Variants in CDH2 observed in about 807,000 individuals in gnomAD.
The protein encoded by CDH2 is cadherin 2.
CDH2 carries 17 observed loss-of-function variants against 92.0 expected under a neutral mutation model. That is an observed-to-expected ratio of 0.18 (90% confidence interval 0.13 to 0.28). CDH2 has a LOEUF of 0.28. CDH2 is among the 10% of genes least tolerant of loss of function. The pLI is 1.00. For missense variants in CDH2, 862 were observed against 1,133.1 expected (o/e 0.76, Z 3.44); for synonymous variants, 419 against 415.9 (o/e 1.01, Z -0.09).
intron 2 of CDH2, among the ~76,000 whole-genome samples, chr18:28,019,297 T>A (rs2013341897): frequency 6.6e-6 from 1 of 151,200 alleles, no homozygotes; most frequent in Admixed American, 6.6e-5. Flanking sequence ...TATTGTAATT[T>A]TTTGAAAAGA....
chr18:28,019,437 C>A lies in CDH2; in HGVS notation c.173-5528G>T, dbSNP rs17522624. 4.6e-5 allele frequency among the ~76,000 whole-genome samples: 7 copies of A among 151,924 alleles called. No homozygotes were observed. In the South Asian group the frequency reaches 1.5e-3, roughly 32 times the overall value. ...AGGATAAGGGTTTGACAGACAGAAG[C>A]GGGGATTTCATAGTCACTGGCACTT... On this transcript the variant is annotated intron_variant, in intron 2 of 15. Transcript: ENST00000269141.
chr18:28,147,603 C>T (rs2016055510), intron 2 of CDH2, 70 bp downstream of exon 2: 1 of 950,464 alleles, frequency 1.1e-6, no homozygotes, highest in Admixed American at 2.2e-5. Flanking sequence ...ATGATTTAGG[C>T]TTTTTTAATG....
At chr18:28,155,103 T>C (rs1348987008) in intron 1 of CDH2, among the ~76,000 whole-genome samples, 2 of 152,174 alleles carry the variant, frequency 1.3e-5, no homozygotes, top group African/African-American at 4.8e-5. Context: ...TGCATTATGT[T>C]TGCTCCCCTG....
chr18:27,939,301 C>A (rs1909084529), intron 6 of CDH2, among the ~76,000 whole-genome samples: 1 of 152,170 alleles, frequency 6.6e-6, no homozygotes, highest in Non-Finnish European at 1.5e-5. Flanking sequence ...TCCTTAAGAG[C>A]TACATTACTT....
intron 15 of CDH2, among the ~76,000 whole-genome samples, chr18:27,960,570 T>C (rs2011374767): frequency 6.6e-6 from 1 of 152,206 alleles, no homozygotes. Flanking sequence ...CACATTTGCA[T>C]TGCACAAATA....
At chr18:28,157,872 A>G (rs1032172647) in intron 1 of CDH2, among the ~76,000 whole-genome samples, 2 of 152,226 alleles carry the variant, frequency 1.3e-5, no homozygotes, top group Non-Finnish European at 2.9e-5. Context: ...CCCCCAGCCC[A>G]AACTCTTCTA....
At chr18:28,121,947 C>T (rs1305242592) in intron 2 of CDH2, among the ~76,000 whole-genome samples, 1 of 152,088 alleles carries the variant, frequency 6.6e-6, no homozygotes, top group Non-Finnish European at 1.5e-5. Context: ...CAATGATTTC[C>T]TTCGGTAGAG....
chr18:28,124,230 C>T (rs908041173), intron 2 of CDH2, among the ~76,000 whole-genome samples: 1 of 151,952 alleles, frequency 6.6e-6, no homozygotes, highest in Non-Finnish European at 1.5e-5. Context: ...TTTTAAGGTT[C>T]ATTTTGTACA....
chr18:28,154,066 C>A (rs949184115), intron 1 of CDH2, among the ~76,000 whole-genome samples: 3 of 152,178 alleles, frequency 2.0e-5, no homozygotes, highest in African/African-American at 7.2e-5. Flanking sequence ...CTTATCTTTA[C>A]CTCTGGAAAC....
intron 2 of CDH2, among the ~76,000 whole-genome samples, chr18:28,101,131 C>T (rs2015219403): frequency 6.6e-6 from 1 of 152,142 alleles, no homozygotes; most frequent in Admixed American, 6.6e-5. Flanking sequence ...TAAAATTTTA[C>T]CTTTAACACA....
At chr18:28,102,628 T>G (rs2015245477) in intron 2 of CDH2, among the ~76,000 whole-genome samples, 1 of 152,184 alleles carries the variant, frequency 6.6e-6, no homozygotes, top group South Asian at 2.1e-4. Context: ...CCTTGCCTTT[T>G]TAAGTCAAGA....
chr18:28,013,621 T>C, intron 3 of CDH2, 62 bp downstream of exon 3: 1 of 1,158,336 alleles, frequency 8.6e-7, no homozygotes, highest in Non-Finnish European at 1.3e-6. Flanking sequence ...AAGCATATAT[T>C]TAGTTCAAAC....
intron 14 of CDH2, among the ~76,000 whole-genome samples, chr18:27,982,360 T>G (rs2012082630): frequency 6.6e-6 from 1 of 152,194 alleles, no homozygotes; most frequent in Non-Finnish European, 1.5e-5. Flanking sequence ...AAGGAGATTC[T>G]GACATCTATT....
intron 2 of CDH2, among the ~76,000 whole-genome samples, chr18:28,099,186 AACTAAC>A (rs2144228874): frequency 6.6e-6 from 1 of 152,314 alleles, no homozygotes; most frequent in East Asian, 1.9e-4. Flanking sequence ...ATAGGAAGAA[AACTAAC>A]ACTAACAAAA....
intron 15 of CDH2, among the ~76,000 whole-genome samples, chr18:27,962,282 C>T (rs1005975821): frequency 5.3e-5 from 8 of 152,112 alleles, no homozygotes; most frequent in African/African-American, 1.4e-4. Context: ...AACCTTATTA[C>T]CTATTTAGCA....
At chr18:28,064,337 T>C (rs2014464646) in intron 2 of CDH2, among the ~76,000 whole-genome samples, 1 of 151,970 alleles carries the variant, frequency 6.6e-6, no homozygotes, top group South Asian at 2.1e-4. Flanking sequence ...GCCCAGGCAG[T>C]CTCTCACCCT....
intron 2 of CDH2, among the ~76,000 whole-genome samples, chr18:28,029,681 C>G (rs923188397): frequency 6.6e-6 from 1 of 152,052 alleles, no homozygotes; most frequent in Non-Finnish European, 1.5e-5. Flanking sequence ...AATTGCCATA[C>G]ACTGTAACAG....
intron 6 of CDH2, among the ~76,000 whole-genome samples, chr18:27,937,047 T>C (rs1268522842): frequency 1.3e-5 from 2 of 152,200 alleles, no homozygotes; most frequent in Non-Finnish European, 2.9e-5. Context: ...AAAATATGAG[T>C]AAACTTCATA....
At chr18:27,984,051 CT>C (rs774720161) in intron 13 of CDH2, among the ~76,000 whole-genome samples, 2 of 152,206 alleles carry the variant, frequency 1.3e-5, no homozygotes, top group Non-Finnish European at 2.9e-5. Flanking sequence ...AGGGCTAAAT[CT>C]AGCAAGTGGA....
Sources: gnomAD v4.1 joint callset for allele counts (sites outside exome capture counted in the v4.1 genomes callset) on GRCh38, gnomAD v4.1.1 for gene constraint, MANE v1.5 for transcripts, NCBI Gene and HGNC (gene_info 2026-07-23, HGNC 2026-07-21) for gene names.